The following SMAD9 variants were observed in gnomAD, a reference collection of about 807,000 sequenced individuals.
The protein encoded by SMAD9 is SMAD family member 9.
Under a neutral mutation model 46.1 loss-of-function variants are expected in SMAD9, and 36 were observed. The observed-to-expected ratio is 0.78, with a 90% CI of 0.60 to 1.03. The LOEUF is 1.03. Ranked by LOEUF, SMAD9 falls within the 50% of genes least tolerant of loss-of-function variation. The pLI, the probability that SMAD9 is intolerant of heterozygous loss-of-function variation, is 0.00. For synonymous variants in SMAD9, 245 were observed against 237.1 expected, an observed-to-expected ratio of 1.03 and a Z score of -0.31; for missense variants, 572 against 599.8, an observed-to-expected ratio of 0.95 and a Z score of 0.48.
intron 1 of SMAD9, 60 bp downstream of exon 1, chr13:36,920,056 C>T (rs1406775334): frequency 1.3e-5 from 2 of 149,292 alleles, no homozygotes; most frequent in Non-Finnish European, 3.0e-5. Context: ...AGGTCCGGCG[C>T]CCCCAACCCC....
chr13:36,903,329 G>T (rs544220767), intron 1 of SMAD9, among the ~76,000 whole-genome samples: 1 of 151,942 alleles, frequency 6.6e-6, no homozygotes, highest in South Asian at 2.1e-4. Flanking sequence ...GTTTCACCAC[G>T]TTGGTCAGGC....
intron 1 of SMAD9, among the ~76,000 whole-genome samples, chr13:36,890,750 C>T (rs2058482688): frequency 6.6e-6 from 1 of 152,050 alleles, no homozygotes; most frequent in Non-Finnish European, 1.5e-5. Flanking sequence ...ATGAGCTCCC[C>T]TCCAACCACA....
chr13:36,854,188 T>A (rs60617922), intron 5 of SMAD9, among the ~76,000 whole-genome samples: 2,608 of 151,854 alleles, frequency 0.017, 75 homozygotes, highest in African/African-American at 0.059. Context: ...AATAAAAAAA[T>A]AAAAGTGGAT....
At chr13:36,880,381 G>C (rs965659705) in intron 1 of SMAD9, among the ~76,000 whole-genome samples, 2 of 152,090 alleles carry the variant, frequency 1.3e-5, no homozygotes, top group Non-Finnish European at 2.9e-5. Flanking sequence ...GGTTTTTCCA[G>C]GGCCTCCATA....
At chr13:36,861,644 T>C (rs1443862173) in intron 5 of SMAD9, among the ~76,000 whole-genome samples, 1 of 149,712 alleles carries the variant, frequency 6.7e-6, no homozygotes, top group Non-Finnish European at 1.5e-5. Context: ...AAATGATATA[T>C]TCAGGCCAGG....
At chr13:36,896,202 G>A (rs772361746) in intron 1 of SMAD9, among the ~76,000 whole-genome samples, 24 of 151,840 alleles carry the variant, frequency 1.6e-4, no homozygotes, top group Non-Finnish European at 2.8e-4. Flanking sequence ...GCACGATCTC[G>A]GCTCACTGCA....
intron 1 of SMAD9, among the ~76,000 whole-genome samples, chr13:36,916,884 G>A (rs1197053073): frequency 6.6e-6 from 1 of 151,290 alleles, no homozygotes; most frequent in African/African-American, 2.4e-5. Context: ...GGGGAAGCTG[G>A]GAAGGCCTCA....
chr13:36,851,290 T>C (rs1330081612), intron 6 of SMAD9, among the ~76,000 whole-genome samples: 1 of 152,128 alleles, frequency 6.6e-6, no homozygotes. Context: ...AGTTTCCAGG[T>C]GTATGCTGTT....
chr13:36,875,305 CATCT>C (rs1485078652), intron 2 of SMAD9, among the ~76,000 whole-genome samples: 1 of 152,232 alleles, frequency 6.6e-6, no homozygotes, highest in East Asian at 1.9e-4. Flanking sequence ...TGACACCATA[CATCT>C]ATCTCTTTCT....
chr13:36,864,589 T>C (rs1481997159), intron 5 of SMAD9, among the ~76,000 whole-genome samples: 1 of 152,226 alleles, frequency 6.6e-6, no homozygotes, highest in Non-Finnish European at 1.5e-5. Context: ...AAAGCCACTA[T>C]GGAGACAGAA....
At chr13:36,859,002 T>C (rs1200345410) in intron 5 of SMAD9, among the ~76,000 whole-genome samples, 1 of 152,186 alleles carries the variant, frequency 6.6e-6, no homozygotes, top group East Asian at 1.9e-4. Flanking sequence ...TGAGCCACCA[T>C]GCTCAGCCAT....
chr13:36,883,652 G>A (rs532553101), intron 1 of SMAD9, among the ~76,000 whole-genome samples: 13 of 152,196 alleles, frequency 8.5e-5, no homozygotes, highest in Non-Finnish European at 1.8e-4. Flanking sequence ...TTGAAAGGCT[G>A]AGGTAGGAGG....
intron 6 of SMAD9, chr13:36,851,820 T>C: frequency 7.1e-6 from 7 of 981,772 alleles, no homozygotes; most frequent in Non-Finnish European, 8.5e-6. Context: ...GTCAATTGTG[T>C]AGCTTTATGA....
chr13:36,856,101 G>C (rs191206632), intron 5 of SMAD9, among the ~76,000 whole-genome samples: 1 of 152,088 alleles, frequency 6.6e-6, no homozygotes, highest in Non-Finnish European at 1.5e-5. Flanking sequence ...GGACCCTCAC[G>C]ATCATAAAGA....
intron 5 of SMAD9, among the ~76,000 whole-genome samples, chr13:36,860,520 G>A (rs2138343468): frequency 6.6e-6 from 1 of 150,810 alleles, no homozygotes; most frequent in South Asian, 2.1e-4. Context: ...CACCAACTCG[G>A]CTCACTGCAA....
intron 1 of SMAD9, among the ~76,000 whole-genome samples, chr13:36,899,249 C>T (rs493248): frequency 0.24 from 36,940 of 151,928 alleles, 4,656 homozygotes; most frequent in African/African-American, 0.3. Flanking sequence ...TCGAAAATGA[C>T]AGCTGCAAAA....
intron 1 of SMAD9, among the ~76,000 whole-genome samples, chr13:36,914,867 T>C (rs1289092012): frequency 6.6e-6 from 1 of 152,232 alleles, no homozygotes; most frequent in African/African-American, 2.4e-5. Context: ...AAATCTGCTG[T>C]AAGCTTTCCA....
chr13:36,870,067 A>G (rs2058276039), intron 3 of SMAD9, among the ~76,000 whole-genome samples: 1 of 152,152 alleles, frequency 6.6e-6, no homozygotes, highest in South Asian at 2.1e-4. Flanking sequence ...TTTGCTGTTA[A>G]TCATTCAGAC....
chr13:36,868,916 T>A (rs931808021), intron 3 of SMAD9, among the ~76,000 whole-genome samples: 3 of 152,288 alleles, frequency 2.0e-5, no homozygotes, highest in Admixed American at 6.5e-5. Context: ...GGTATAGCCA[T>A]ACAATGAGAT....
Sources: gnomAD v4.1 joint callset for allele counts (sites outside exome capture counted in the v4.1 genomes callset) on GRCh38, gnomAD v4.1.1 for gene constraint, MANE v1.5 for transcripts, NCBI Gene and HGNC (gene_info 2026-07-23, HGNC 2026-07-21) for gene names.